Variants in ATP8B4 observed in about 807,000 individuals in gnomAD.
The protein encoded by ATP8B4 is probable phospholipid-transporting ATPase IM.
Under a neutral mutation model 145.6 loss-of-function variants are expected in ATP8B4, and 133 were observed. The ratio of observed to expected loss-of-function variants is 0.91; its 90% CI spans 0.79 to 1.05. ATP8B4 has a LOEUF of 1.05. ATP8B4 is among the 50% of genes least tolerant of loss of function. The probability of loss-of-function intolerance (pLI) is 0.00; values close to 1 mark genes in which losing one functional copy is unlikely to be tolerated. For synonymous variants in ATP8B4, 507 were observed against 492.9 expected, an observed-to-expected ratio of 1.03 and a Z score of -0.38; for missense variants, 1,458 against 1,425.2, an observed-to-expected ratio of 1.02 and a Z score of -0.37.
intron 2 of ATP8B4, 108 bp downstream of exon 2, chr15:50,106,831 A>C: frequency 9.1e-7 from 1 of 1,097,644 alleles, no homozygotes; most frequent in Non-Finnish European, 1.3e-6. Context: ...CACTGAGCTG[A>C]ACACCTAGAC....
intron 3 of ATP8B4, among the ~76,000 whole-genome samples, chr15:50,049,818 T>C (rs1455813637): frequency 6.6e-6 from 1 of 152,180 alleles, no homozygotes; most frequent in African/African-American, 2.4e-5. Context: ...CTGTTATTTT[T>C]TTTTCTTTTT....
intron 23 of ATP8B4, chr15:49,896,940 A>G (rs1278948323): frequency 4.7e-6 from 1 of 211,566 alleles, no homozygotes; most frequent in African/African-American, 2.3e-5. Context: ...ATACCTCAAC[A>G]TTTCTTATTA....
chr15:50,007,907 G>A (rs1225830084), intron 7 of ATP8B4, among the ~76,000 whole-genome samples: 1 of 152,190 alleles, frequency 6.6e-6, no homozygotes, highest in East Asian at 1.9e-4. Flanking sequence ...GGTTCAGTGA[G>A]GTGGATTTGA....
At chr15:50,122,792 A>G (rs1204491231), upstream of ATP8B4, among the ~76,000 whole-genome samples, 2 of 152,164 alleles carry the variant, frequency 1.3e-5, no homozygotes, top group Non-Finnish European at 2.9e-5. Flanking sequence ...ACTGGAGTCT[A>G]CACTGCAAAC....
intron 23 of ATP8B4, 95 bp downstream of exon 23, chr15:49,897,170 CTTGAATCAGCCATTAAAAAATGCTCTG>C (rs767276609): frequency 1.1e-6 from 1 of 904,696 alleles, no homozygotes; most frequent in Non-Finnish European, 1.7e-6. Flanking sequence ...AATACTATTA[CTTGAATCAGCCATTAAAAAATGCTCTG>C]AATTTATTAG....
At chr15:49,884,605 A>G (rs1426502886) in intron 23 of ATP8B4, among the ~76,000 whole-genome samples, 1 of 122,558 alleles carries the variant, frequency 8.2e-6, no homozygotes, top group Non-Finnish European at 1.7e-5. Context: ...CCTGTCTCCA[A>G]AAAAAAAGAA....
chr15:49,876,496 A>G lies in ATP8B4; in HGVS notation c.2809T>C (p.Cys937Arg), dbSNP rs752136205. The G allele has an allele frequency of 6.2e-7, 1 of 1,614,098 alleles. No homozygotes were observed. Among genetic ancestry groups the G allele is most frequent in the East Asian group, 2.2e-5 (1 of 44,876 alleles). ...QDVSDQNSVDCPQLYKPGQLN... is the reference protein window; with the variant it reads ...QDVSDQNSVDRPQLYKPGQLN... ...TGTCCTGGTTTGTAGAGCTGGGGAC[A>G]GTCCACGCTGTTCTGGTCACTCACA... Residue 937 changes from cysteine to arginine, a missense_variant, in exon 25 of 28, where the codon TGT becomes CGT. Transcript: ENST00000284509.
intron 22 of ATP8B4, 32 bp downstream of exon 22, chr15:49,898,036 C>A: frequency 6.2e-7 from 1 of 1,610,202 alleles, no homozygotes; most frequent in Non-Finnish European, 8.5e-7. Context: ...CCCATGTATG[C>A]AGCATACCCC....
At chr15:50,062,464 C>G (rs899013979) in intron 3 of ATP8B4, among the ~76,000 whole-genome samples, 4 of 152,122 alleles carry the variant, frequency 2.6e-5, no homozygotes, top group African/African-American at 7.2e-5. Flanking sequence ...AATTAATCCT[C>G]TTTTCTTATA....
intron 14 of ATP8B4, among the ~76,000 whole-genome samples, chr15:49,939,950 G>A (rs547221921): frequency 6.6e-6 from 1 of 152,294 alleles, no homozygotes; most frequent in South Asian, 2.1e-4. Flanking sequence ...CTGTTGGTGG[G>A]AGTGTAAATT....
chr15:50,072,718 T>C (rs942526687), intron 3 of ATP8B4, among the ~76,000 whole-genome samples: 12 of 151,632 alleles, frequency 7.9e-5, no homozygotes, highest in Admixed American at 2.6e-4. Context: ...CTCCACCTCC[T>C]GGGTTCAAGC....
At chr15:49,917,470 T>A (rs1201419533) in intron 19 of ATP8B4, among the ~76,000 whole-genome samples, 1 of 152,014 alleles carries the variant, frequency 6.6e-6, no homozygotes, top group Non-Finnish European at 1.5e-5. Context: ...AAGAAAAAAC[T>A]CACAAAATGT....
Position 49,876,432 on chromosome 15 carries a change from C to A in ATP8B4, c.2873G>T (p.Cys958Phe). The change falls in exon 25 of 28, where the codon TGC (cysteine) becomes TTC (phenylalanine). Residue 958 changes from cysteine to phenylalanine, a missense_variant. Coordinates refer to ENST00000284509, the MANE Select transcript of ATP8B4 (RefSeq NM_024837.4). ...LLFNKRKFFI[C>F]VLHGIYTSLV... ...TGAGGTGTAGATTCCATGCAACACGCAAATGAAAAATTTACGCTTGTTAAA... is the reference window on the plus strand; with the variant it reads ...TGAGGTGTAGATTCCATGCAACACGAAAATGAAAAATTTACGCTTGTTAAA... 1 of 1,613,662 alleles carries A rather than the reference C, an allele frequency of 6.2e-7. No homozygotes were observed. The highest frequency in any genetic ancestry group is 8.5e-7 in the Non-Finnish European group (1 of 1,179,868).
At chr15:49,909,134 C>T (rs148357924) in intron 20 of ATP8B4, among the ~76,000 whole-genome samples, 14 of 152,214 alleles carry the variant, frequency 9.2e-5, no homozygotes, top group African/African-American at 2.4e-4. Flanking sequence ...TGGCTTTGAC[C>T]GCACTCCATA....
At chr15:50,047,814 C>A (rs2051839287) in intron 3 of ATP8B4, among the ~76,000 whole-genome samples, 1 of 152,160 alleles carries the variant, frequency 6.6e-6, no homozygotes. Context: ...CAGGAGGGAA[C>A]TTCAGAAATC....
intron 16 of ATP8B4, among the ~76,000 whole-genome samples, chr15:49,924,045 C>T (rs967820391): frequency 1.3e-5 from 2 of 152,082 alleles, no homozygotes; most frequent in Non-Finnish European, 2.9e-5. Context: ...GGTAACAATT[C>T]TGGCTGAAAA....
At chr15:50,037,012 G>A (rs575540997) in intron 6 of ATP8B4, among the ~76,000 whole-genome samples, 2 of 152,282 alleles carry the variant, frequency 1.3e-5, no homozygotes, top group South Asian at 4.1e-4. Context: ...AAATGATAAT[G>A]ATAATGACAG....
chr15:49,926,411 C>A (rs2040731694), intron 16 of ATP8B4, among the ~76,000 whole-genome samples: 1 of 152,086 alleles, frequency 6.6e-6, no homozygotes, highest in African/African-American at 2.4e-5. Context: ...TCTCTCTTGC[C>A]TAGAAAATCA....
chr15:49,875,915 A>G (rs542819158), intron 25 of ATP8B4, among the ~76,000 whole-genome samples: 11 of 152,326 alleles, frequency 7.2e-5, no homozygotes, highest in African/African-American at 2.6e-4. Flanking sequence ...AAAACCTGGC[A>G]GTTATTAAGT....
Sources: gnomAD v4.1 joint callset for allele counts (sites outside exome capture counted in the v4.1 genomes callset) on GRCh38, gnomAD v4.1.1 for gene constraint, MANE v1.5 for transcripts, NCBI Gene and HGNC (gene_info 2026-07-23, HGNC 2026-07-21) for gene names.